The following KIF26B variants were observed in gnomAD, a reference collection of about 807,000 sequenced individuals.
The protein encoded by KIF26B is kinesin family member 26B.
KIF26B carries 63 observed loss-of-function variants against 151.2 expected under a neutral mutation model. The observed-to-expected ratio is 0.42, with a 90% CI of 0.34 to 0.51. KIF26B has a LOEUF of 0.51. Among genes scored for constraint, KIF26B ranks in the 20% least tolerant of loss-of-function variants. The pLI is 0.07. For missense variants in KIF26B, 2,813 were observed against 2,913.6 expected, an observed-to-expected ratio of 0.97 and a Z score of 0.79; for synonymous variants, 1,357 against 1,262.1, an observed-to-expected ratio of 1.08 and a Z score of -1.59.
At chr1:245,327,392 C>G (rs1396256559) in intron 2 of KIF26B, among the ~76,000 whole-genome samples, 1 of 152,188 alleles carries the variant, frequency 6.6e-6, no homozygotes, top group Non-Finnish European at 1.5e-5. Flanking sequence ...CTTACTTGTT[C>G]CATCTGGTTT....
intron 4 of KIF26B, among the ~76,000 whole-genome samples, chr1:245,519,490 G>A: frequency 6.6e-6 from 1 of 151,968 alleles, no homozygotes. Context: ...GGAGGCAGAG[G>A]CTGCAGTGAG....
chr1:245,303,194 G>GTTT (rs1671463602), intron 2 of KIF26B, among the ~76,000 whole-genome samples: 2 of 113,578 alleles, frequency 1.8e-5, no homozygotes, highest in East Asian at 2.8e-4. Context: ...TAAACTAAAT[G>GTTT]TTCTTTTTTT....
chr1:245,370,474 T>C (rs1217431829), intron 3 of KIF26B: 4 of 374,588 alleles, frequency 1.1e-5, no homozygotes, highest in African/African-American at 2.1e-5. Flanking sequence ...AATACAATGC[T>C]CAGGTGAACA....
chr1:245,653,798 A>C (rs1217769315), intron 10 of KIF26B, among the ~76,000 whole-genome samples: 1 of 152,188 alleles, frequency 6.6e-6, no homozygotes, highest in Non-Finnish European at 1.5e-5. Context: ...AGTGGTTCAC[A>C]CCTATAATCT....
intron 4 of KIF26B, among the ~76,000 whole-genome samples, chr1:245,462,304 G>A (rs1298201938): frequency 6.6e-6 from 1 of 152,114 alleles, no homozygotes; most frequent in Non-Finnish European, 1.5e-5. Context: ...GAATCACAGG[G>A]GATGGCTTCG....
At chr1:245,436,592 A>C (rs899665685) in intron 4 of KIF26B, among the ~76,000 whole-genome samples, 3 of 152,144 alleles carry the variant, frequency 2.0e-5, no homozygotes, top group African/African-American at 7.2e-5. Context: ...AAGGCCTTCA[A>C]CTGATTGGAT....
At chr1:245,384,525 G>A (rs576746956) in intron 3 of KIF26B, among the ~76,000 whole-genome samples, 38 of 152,286 alleles carry the variant, frequency 2.5e-4, no homozygotes, top group African/African-American at 9.1e-4. Flanking sequence ...GGGCTCAAGT[G>A]GTCCTCCCAC....
chr1:245,229,969 C>CA (rs200181208), intron 2 of KIF26B, among the ~76,000 whole-genome samples: 3,695 of 152,048 alleles, frequency 0.024, 127 homozygotes, highest in African/African-American at 0.083. Flanking sequence ...CCCATCTCTA[C>CA]AAAAAATAGA....
intron 7 of KIF26B, 39 bp downstream of exon 7, chr1:245,607,783 C>T: frequency 6.7e-7 from 1 of 1,501,238 alleles, no homozygotes; most frequent in Non-Finnish European, 9.2e-7. Context: ...GCTCGTTGAG[C>T]TCCCTGTCAT....
At chr1:245,644,670 G>A (rs542990047) in intron 9 of KIF26B, among the ~76,000 whole-genome samples, 6 of 152,166 alleles carry the variant, frequency 3.9e-5, no homozygotes, top group Non-Finnish European at 8.8e-5. Context: ...TCAACCCAAT[G>A]CCCTGTGAAT....
At chr1:245,505,803 T>C (rs966928275) in intron 4 of KIF26B, among the ~76,000 whole-genome samples, 8 of 94,880 alleles carry the variant, frequency 8.4e-5, no homozygotes, top group Admixed American at 3.1e-4. Flanking sequence ...ATGTGTAGAT[T>C]TGGTGGTGCA....
chr1:245,685,952 A>G lies in KIF26B; in HGVS notation c.2969A>G (p.Asn990Ser). ...EDNGSEGQLT[N>S]REGPELPASK... Reference sequence around the variant, plus strand: ...AATGGGTCCGAAGGTCAGCTGACCAACAGAGAAGGCCCTGAACTCCCAGCC... The same window carrying G: ...AATGGGTCCGAAGGTCAGCTGACCAGCAGAGAAGGCCCTGAACTCCCAGCC... Residue 990 changes from asparagine (N) to serine (S), a missense_variant, in exon 12 of 15, where the codon AAC becomes AGC. Transcript: ENST00000407071. 1 of 1,608,598 alleles carries G rather than the reference A, an allele frequency of 6.2e-7. No homozygotes were observed. The highest frequency in any genetic ancestry group is 8.5e-7 in the Non-Finnish European group (1 of 1,177,682).
chr1:245,335,604 G>A (rs1672203995), intron 2 of KIF26B, among the ~76,000 whole-genome samples: 1 of 151,662 alleles, frequency 6.6e-6, no homozygotes. Flanking sequence ...AGAGTGCCAC[G>A]CGGGGAAAGG....
chr1:245,163,849 C>T (rs1011753003), intron 2 of KIF26B, among the ~76,000 whole-genome samples: 1 of 152,066 alleles, frequency 6.6e-6, no homozygotes, highest in Non-Finnish European at 1.5e-5. Flanking sequence ...TATATCCCGT[C>T]GCCTTATTAA....
intron 10 of KIF26B, among the ~76,000 whole-genome samples, chr1:245,661,814 C>T (rs536498123): frequency 7.0e-6 from 1 of 143,100 alleles, no homozygotes; most frequent in East Asian, 2.0e-4. Context: ...ATATATACAC[C>T]CAATGATATA....
rs182224641 is a variant in KIF26B at position 245,606,676 on chromosome 1, G to A, written c.1558-975G>A. On this transcript the variant is annotated intron_variant, in intron 6 of 14. Coordinates refer to ENST00000407071, the MANE Select transcript of KIF26B (RefSeq NM_018012.4). This position sits in a 1 kb window ranked among gnomAD's most constrained non-coding sequence, Gnocchi z 4.6. The stretch of plus-strand genomic sequence containing the variant: ...AATTGGAGACCAGACACACACACCC[G>A]GCCAAAGAACACCTAATAACATACC... Among the ~76,000 whole-genome samples the A allele has an allele frequency of 2.0e-5, 3 of 152,224 alleles. No homozygotes were observed. The highest frequency in any genetic ancestry group is 4.8e-5 in the African/African-American group (2 of 41,542).
At position 245,512,445 on chromosome 1, in the gene KIF26B, C is replaced by G. The variant is rs1018757421; in HGVS notation, c.1167-28322C>G. ...TGGAAATGAATGAGCTTAGTTGATTCCTGAATATTAAATCAGTTCTGTGAG... is the reference window on the plus strand; with the variant it reads ...TGGAAATGAATGAGCTTAGTTGATTGCTGAATATTAAATCAGTTCTGTGAG... On this transcript the variant is annotated intron_variant, in intron 4 of 14. Transcript: ENST00000407071. The surrounding 1 kb of genome is among the most constrained non-coding windows in gnomAD (Gnocchi z 4.3). 9.2e-5 allele frequency among the ~76,000 whole-genome samples: 14 copies of G among 152,150 alleles called. No individual in the cohort carries two copies. The highest frequency in any genetic ancestry group is 8.5e-4 in the Admixed American group (13 of 15,280).
At chr1:245,355,203 GC>G (rs1558400403) in intron 2 of KIF26B, among the ~76,000 whole-genome samples, 1 of 152,170 alleles carries the variant, frequency 6.6e-6, no homozygotes, top group Non-Finnish European at 1.5e-5. Context: ...GGGATTACAG[GC>G]GTGAGCCACT....
rs1194909382 is a variant in KIF26B at position 245,239,666 on chromosome 1, G to C, written c.465+82983G>C. On this transcript the variant is annotated intron_variant, in intron 2 of 14. Coordinates refer to ENST00000407071, the MANE Select transcript of KIF26B (RefSeq NM_018012.4). This position sits in a 1 kb window ranked among gnomAD's most constrained non-coding sequence, Gnocchi z 4.3. ...TTACAGGTGCCCGCCACCACGCCTG[G>C]CTAATTTTTTGTATTTTTAGTAGAG... Among the ~76,000 whole-genome samples the C allele has an allele frequency of 1.3e-5, 2 of 151,946 alleles. No homozygotes were observed. Among genetic ancestry groups the C allele is most frequent in the African/African-American group, 2.4e-5 (1 of 41,354 alleles).
Sources: gnomAD v4.1 joint callset for allele counts (sites outside exome capture counted in the v4.1 genomes callset) on GRCh38, gnomAD v4.1.1 for gene constraint, Gnocchi (gnomAD v3.1) non-coding constraint, MANE v1.5 for transcripts, NCBI Gene and HGNC (gene_info 2026-07-23, HGNC 2026-07-21) for gene names.